The following OPHN1 variants were observed in gnomAD, a reference collection of about 807,000 sequenced individuals.
The protein encoded by OPHN1 is oligophrenin-1.
A neutral mutation model predicts 60.7 loss-of-function variants in OPHN1; 11 were observed. That is an observed-to-expected ratio of 0.18 (90% CI 0.11 to 0.30). The LOEUF (loss-of-function observed/expected upper bound fraction) is 0.30. OPHN1 is among the 10% of genes least tolerant of loss of function. OPHN1 has a pLI of 1.00. For missense variants in OPHN1, 449 were observed against 611.0 expected (o/e 0.73, Z 2.80); for synonymous variants, 226 against 222.6 (o/e 1.02, Z -0.14).
chrX:68,410,964 CAT>C (rs2078766274), intron 2 of OPHN1, among the ~76,000 whole-genome samples: 3 of 111,877 alleles, frequency 2.7e-5, no homozygotes, highest in African/African-American at 6.5e-5. Context: ...AATTCTGACA[CAT>C]GTTACAAGAT....
chrX:68,417,391 C>T (rs1390263641), intron 2 of OPHN1, among the ~76,000 whole-genome samples: 2 of 112,310 alleles, frequency 1.8e-5, no homozygotes, highest in East Asian at 2.8e-4. Context: ...CACGCCCAAC[C>T]TCAAGTGACT....
At chrX:68,194,555 C>G in intron 12 of OPHN1, 57 bp from the exon 13 acceptor site, 1 of 964,523 alleles carries the variant, frequency 1.0e-6, no homozygotes, top group Non-Finnish European at 1.5e-6. Flanking sequence ...TATAGGAAAA[C>G]AGAGAACATA....
intron 15 of OPHN1, among the ~76,000 whole-genome samples, chrX:68,128,500 G>T (rs763487034): frequency 5.1e-5 from 4 of 78,017 alleles, no homozygotes; most frequent in Non-Finnish European, 1.2e-4. Context: ...CTGTATGTGT[G>T]TGGGAGAGAG....
intron 2 of OPHN1, among the ~76,000 whole-genome samples, chrX:68,314,695 G>A (rs756227643): frequency 9.2e-6 from 1 of 108,308 alleles, no homozygotes; most frequent in Non-Finnish European, 1.9e-5. Flanking sequence ...AAAAAAAAAC[G>A]AACATCTTGG....
intron 23 of OPHN1, 59 bp downstream of exon 23, chrX:68,052,481 C>G: frequency 3.0e-6 from 3 of 1,011,505 alleles, no homozygotes; most frequent in Non-Finnish European, 4.1e-6. Flanking sequence ...CAATTGTATG[C>G]TAAGGATGCA....
At chrX:68,169,268 A>G (rs1370085520) in intron 15 of OPHN1, among the ~76,000 whole-genome samples, 3 of 111,545 alleles carry the variant, frequency 2.7e-5, no homozygotes, top group Non-Finnish European at 5.6e-5. Flanking sequence ...CCACTGCTCA[A>G]TGAAATAAAA....
chrX:68,368,947 G>T (rs758819722), intron 2 of OPHN1, among the ~76,000 whole-genome samples: 2 of 111,837 alleles, frequency 1.8e-5, no homozygotes, highest in African/African-American at 6.5e-5. Context: ...AGTGGCTCAC[G>T]CCTGTAATCC....
intron 5 of OPHN1, among the ~76,000 whole-genome samples, chrX:68,266,257 A>C (rs757660555): frequency 2.2e-4 from 25 of 111,571 alleles, no homozygotes; most frequent in Non-Finnish European, 9.4e-5. Context: ...TGAAGGAAAA[A>C]ATGTTAAGGG....
At chrX:68,274,981 T>C (rs1257051872) in intron 4 of OPHN1, among the ~76,000 whole-genome samples, 172 bp from the exon 5 acceptor site, 2 of 112,268 alleles carry the variant, frequency 1.8e-5, no homozygotes, top group African/African-American at 6.5e-5. Context: ...AAAAATCAAA[T>C]GCATTGAGAA....
chrX:68,274,431 C>T (rs982049848), intron 5 of OPHN1, among the ~76,000 whole-genome samples: 3 of 111,692 alleles, frequency 2.7e-5, no homozygotes, highest in Non-Finnish European at 3.8e-5. Context: ...AGATACAGAG[C>T]CTGTTGGCCA....
intron 19 of OPHN1, among the ~76,000 whole-genome samples, chrX:68,082,711 C>T (rs760701984): frequency 1.1e-4 from 12 of 111,748 alleles, no homozygotes; most frequent in Non-Finnish European, 1.7e-4. Flanking sequence ...TTGCATAATT[C>T]TTAAGGGCCC....
At chrX:68,070,828 C>A in intron 20 of OPHN1, 3 of 1,170,107 alleles carry the variant, frequency 2.6e-6, no homozygotes, top group Non-Finnish European at 3.5e-6. Flanking sequence ...TTCAGGACCA[C>A]AGTCCAAGCC....
rs148773480 is a variant in OPHN1 at position 68,266,397 on chromosome X, C to T, written c.384+8341G>A. Among the ~76,000 whole-genome samples, 713 of 111,369 alleles carry T rather than the reference C, an allele frequency of 6.4e-3. 3 individuals are homozygous for T. Among genetic ancestry groups the T allele is most frequent in the Non-Finnish European group, 9.5e-3 (506 of 53,086 alleles). On this transcript the variant is annotated intron_variant, in intron 5 of 24. Transcript: ENST00000355520. ...TTCAACATTCTTAAGGAAAAGAATT[C>T]TCAACCCAGAATTTCATATCCAGCC... is the stretch of plus-strand genomic sequence containing the variant.
intron 2 of OPHN1, among the ~76,000 whole-genome samples, chrX:68,403,137 G>A (rs1280417681): frequency 8.9e-6 from 1 of 112,176 alleles, no homozygotes; most frequent in Admixed American, 9.5e-5. Context: ...AGTCCTAGCC[G>A]CCAAATGTCC....
chrX:68,362,262 A>T (rs762111941), intron 2 of OPHN1, among the ~76,000 whole-genome samples: 2 of 111,897 alleles, frequency 1.8e-5, no homozygotes, highest in Admixed American at 9.6e-5. Flanking sequence ...TAGTGAAATA[A>T]GCCAGGCACA....
chrX:68,343,550 TG>T (rs1355127027), intron 2 of OPHN1, among the ~76,000 whole-genome samples: 7 of 110,983 alleles, frequency 6.3e-5, no homozygotes, highest in Admixed American at 9.7e-5. Context: ...CCCATGGTTG[TG>T]GGTTTGAAGG....
At chrX:68,144,902 T>C (rs1488920360) in intron 15 of OPHN1, among the ~76,000 whole-genome samples, 1 of 111,822 alleles carries the variant, frequency 8.9e-6, no homozygotes, top group Non-Finnish European at 1.9e-5. Flanking sequence ...CGTAACTAAA[T>C]GAGTTTGAGA....
intron 2 of OPHN1, among the ~76,000 whole-genome samples, chrX:68,372,955 G>A (rs912243612): frequency 1.8e-5 from 2 of 111,918 alleles, no homozygotes; most frequent in African/African-American, 6.5e-5. Flanking sequence ...GCTCTTTCTC[G>A]GGGAGACAAA....
intron 18 of OPHN1, among the ~76,000 whole-genome samples, chrX:68,101,582 A>G (rs1479287127): frequency 8.9e-6 from 1 of 112,227 alleles, no homozygotes; most frequent in African/African-American, 3.2e-5. Context: ...GTATTTAAAG[A>G]CTCAGGTAAA....
Sources: gnomAD v4.1 joint callset for allele counts (sites outside exome capture counted in the v4.1 genomes callset) on GRCh38, gnomAD v4.1.1 for gene constraint, MANE v1.5 for transcripts, NCBI Gene and HGNC (gene_info 2026-07-23, HGNC 2026-07-21) for gene names.